Variants in WIPI1 observed in about 807,000 individuals in gnomAD.
WIPI1 encodes WD repeat domain, phosphoinositide interacting 1.
Under a neutral mutation model 55.3 loss-of-function variants are expected in WIPI1, and 45 were observed. The observed-to-expected ratio is 0.81, with a 90% confidence interval of 0.64 to 1.04. The LOEUF (loss-of-function observed/expected upper bound fraction) is 1.04. WIPI1 is among the 50% of genes least tolerant of loss of function. The pLI is 0.00. For missense variants in WIPI1, 445 were observed against 559.0 expected, an observed-to-expected ratio of 0.80 and a Z score of 2.06; for synonymous variants, 195 against 217.6, an observed-to-expected ratio of 0.90 and a Z score of 0.92.
intron 4 of WIPI1, among the ~76,000 whole-genome samples, chr17:68,442,944 A>C (rs2147943787): frequency 6.6e-6 from 1 of 152,320 alleles, no homozygotes; most frequent in Non-Finnish European, 1.5e-5. Context: ...TGCAATAGAT[A>C]CTTGTCCAGA....
At chr17:68,426,398 CTT>C (rs1329236648) in intron 11 of WIPI1, among the ~76,000 whole-genome samples, 2 of 152,164 alleles carry the variant, frequency 1.3e-5, no homozygotes, top group Non-Finnish European at 2.9e-5. Context: ...CATCCTACCT[CTT>C]TGAATTTTTC....
At chr17:68,434,775 G>A in intron 6 of WIPI1, 149 bp from the exon 7 acceptor site, 1 of 742,998 alleles carries the variant, frequency 1.3e-6, no homozygotes, top group Non-Finnish European at 2.2e-6. Context: ...GTTTATTTAT[G>A]TGCCATATCA....
intron 12 of WIPI1, chr17:68,424,653 A>C: frequency 2.6e-6 from 1 of 380,700 alleles, no homozygotes; most frequent in South Asian, 2.0e-5. Context: ...AGACGAGTGG[A>C]TCACTTGAGG....
intron 4 of WIPI1, among the ~76,000 whole-genome samples, chr17:68,443,962 A>G (rs543102269): frequency 6.6e-6 from 1 of 152,354 alleles, no homozygotes; most frequent in South Asian, 2.1e-4. Flanking sequence ...TACACCAGGA[A>G]TGTATTAAAT....
rs533439057 is a variant in WIPI1, at chr17:68,453,702, C to T, written c.81-710G>A. Reference sequence around the variant, plus strand: ...CCATGTTGACTAGGCTGGTCTTGAACTCCTGGCCTCAAGTAATCCACCTGC... The same window carrying T: ...CCATGTTGACTAGGCTGGTCTTGAATTCCTGGCCTCAAGTAATCCACCTGC... On this transcript the variant is annotated intron_variant, in intron 1 of 12. Coordinates refer to ENST00000262139, the MANE Select transcript of WIPI1 (RefSeq NM_017983.7). Among the ~76,000 whole-genome samples the T allele has an allele frequency of 8.5e-5, 13 of 152,208 alleles. No homozygotes were observed. The South Asian group carries it at 2.5e-3, about 29-fold the overall frequency.
intron 1 of WIPI1, among the ~76,000 whole-genome samples, chr17:68,457,001 C>T (rs1481199793): frequency 2.6e-5 from 4 of 152,216 alleles, no homozygotes; most frequent in Non-Finnish European, 5.9e-5. Flanking sequence ...TGTCTCTCTT[C>T]CCCAGACACC....
At chr17:68,433,638 C>CA (rs1244142819) in intron 7 of WIPI1, 63 bp from the exon 8 acceptor site, 21 of 1,344,042 alleles carry the variant, frequency 1.6e-5, no homozygotes, top group African/African-American at 2.9e-5. Context: ...CCTTATAACT[C>CA]AGAGATCAGC....
intron 2 of WIPI1, 72 bp downstream of exon 2, chr17:68,452,838 C>T: frequency 1.4e-6 from 2 of 1,396,026 alleles, no homozygotes; most frequent in East Asian, 2.3e-5. Context: ...CTTGGTAGCA[C>T]CGCAGATTAA....
intron 3 of WIPI1, 45 bp downstream of exon 3, chr17:68,450,683 C>A: frequency 6.4e-7 from 1 of 1,557,716 alleles, no homozygotes; most frequent in Non-Finnish European, 8.7e-7. Context: ...TTGTTTGGCT[C>A]CCGTTAGCAG....
At chr17:68,434,764 T>A (rs1321575452) in intron 6 of WIPI1, 138 bp from the exon 7 acceptor site, 3 of 762,282 alleles carry the variant, frequency 3.9e-6, no homozygotes, top group Non-Finnish European at 6.3e-6. Context: ...CATAGAGGCA[T>A]GTTTATTTAT....
intron 7 of WIPI1, among the ~76,000 whole-genome samples, chr17:68,434,326 CATCAAAAAGGGACTCTCACGGCTGA>C (rs1306442974): frequency 6.6e-6 from 1 of 152,184 alleles, no homozygotes; most frequent in African/African-American, 2.4e-5. Flanking sequence ...CCCACACACA[CATCAAAAAGGGACTCTCACGGCTGA>C]ACTGTGTTAA....
At chr17:68,426,251 G>GA in intron 11 of WIPI1, 76 bp from the exon 12 acceptor site, 5 of 825,458 alleles carry the variant, frequency 6.1e-6, no homozygotes, top group Admixed American at 4.7e-5. Context: ...GTGGGGAGCG[G>GA]GGGCTCAAAT....
intron 1 of WIPI1, among the ~76,000 whole-genome samples, chr17:68,453,390 G>T (rs2084563098): frequency 6.6e-6 from 1 of 152,048 alleles, no homozygotes; most frequent in Non-Finnish European, 1.5e-5. Context: ...TGTCTGAGAG[G>T]CACTTTACCA....
rs548440372 is a variant in WIPI1, at chr17:68,456,404, G to A, written c.80+938C>T. ...CAGAAACTGGTACAGCAGGAAGTGG[G>A]AAACTGGGAATCGGTCATCCCCGCC... is the stretch of plus-strand genomic sequence containing the variant. On this transcript the variant is annotated intron_variant, in intron 1 of 12. Coordinates refer to ENST00000262139, the MANE Select transcript of WIPI1 (RefSeq NM_017983.7). Among the ~76,000 whole-genome samples, 321 of 152,320 alleles carry A rather than the reference G, an allele frequency of 2.1e-3. 2 individuals carry two copies. Among genetic ancestry groups the A allele is most frequent in the Non-Finnish European group, 3.5e-3 (239 of 68,018 alleles).
chr17:68,452,963 T>C lies in WIPI1; in HGVS notation c.110A>G (p.Tyr37Cys), dbSNP rs1160349389. ...TSLATGTKAG[Y>C]KLFSLSSVEQ... ...CACAGAACTCAGAGAAAACAGCTTA[T>C]ACCCGGCTTTAGTTCCAGTTGCTAG... The change falls in exon 2 of 13, where the codon TAT becomes TGT. Residue 37 changes from tyrosine to cysteine, a missense_variant. Transcript: ENST00000262139. 5 of 1,613,966 alleles carry C rather than the reference T, an allele frequency of 3.1e-6. No individual in the cohort carries two copies. Among genetic ancestry groups the C allele is most frequent in the Non-Finnish European group, 4.2e-6 (5 of 1,179,980 alleles).
chr17:68,452,373 T>C (rs564603997), intron 2 of WIPI1, among the ~76,000 whole-genome samples: 1 of 152,318 alleles, frequency 6.6e-6, no homozygotes, highest in South Asian at 2.1e-4. Context: ...GAGACCAGCC[T>C]GGCCAACGTG....
At position 68,437,948 on chromosome 17, in the gene WIPI1, TAA is replaced by T. The variant is rs199649033; in HGVS notation, c.431-1471_431-1470del. ...GATCACGCAAGAGAGACATCTCTCT[TAA>T]AAAAAAAAAAAAAAAAAAAAAAAGT... On this transcript the variant is annotated intron_variant, in intron 4 of 12. Coordinates refer to ENST00000262139, the MANE Select transcript of WIPI1 (RefSeq NM_017983.7). 4.3e-3 allele frequency among the ~76,000 whole-genome samples: 339 copies of T among 78,774 alleles called. 4 individuals carry two copies. The highest frequency in any genetic ancestry group is 6.6e-3 in the Non-Finnish European group (258 of 38,958). The allele number at this position is 78,774 out of a possible 152,430, so 51.7% of individuals were successfully genotyped here.
Position 68,457,397 on chromosome 17 carries a change from G to GT in WIPI1, c.24_25insA (p.Pro9ThrfsTer6), listed in dbSNP as rs1444831561. 6.5e-7 allele frequency: 1 copy of GT among 1,531,934 alleles called. No homozygotes were observed. The highest frequency in any genetic ancestry group is 1.4e-5 in the African/African-American group (1 of 69,758). 94.9% of individuals were successfully genotyped at this position (1,531,934 alleles called of 1,614,324 possible). A position where few individuals can be genotyped will look rare whatever the true frequency, so the allele number is the denominator to read the frequency against. ...AGCGCCGACTCAACCCCGCCCGGGG[G>GT]AGCGTCCGCGGCCTCGGCCTCCATC... On this transcript the variant is annotated frameshift_variant, in exon 1 of 13. Transcript: ENST00000262139. LOFTEE classifies it high-confidence loss of function.
At position 68,430,130 on chromosome 17, in the gene WIPI1, G is replaced by A; in HGVS notation, c.831C>T (p.Gly277=). The A allele has an allele frequency of 6.2e-7, 1 of 1,613,964 alleles. No homozygotes were observed. The highest frequency in any genetic ancestry group is 8.5e-7 in the Non-Finnish European group (1 of 1,179,958). ...CAGCCATAAACATCTTTCCCATGTAGCCACTCCAGGTCGAAGGCTCTTCTG... is the reference window on the plus strand; with the variant it reads ...CAGCCATAAACATCTTTCCCATGTAACCACTCCAGGTCGAAGGCTCTTCTG... ...SRPEEPSTWS[G]YMGKMFMAAT... The change falls in exon 9 of 13, where the codon GGC becomes GGT. Residue 277 remains glycine, a synonymous_variant. Transcript: ENST00000262139.
Sources: gnomAD v4.1 joint callset for allele counts (sites outside exome capture counted in the v4.1 genomes callset) on GRCh38, gnomAD v4.1.1 for gene constraint, MANE v1.5 for transcripts, NCBI Gene and HGNC (gene_info 2026-07-23, HGNC 2026-07-21) for gene names.